The following CELF2 variants were observed in gnomAD, a reference collection of about 807,000 sequenced individuals.
CELF2 encodes CUG triplet repeat RNA-binding protein 2.
In CELF2, 8 loss-of-function variants were observed where a neutral mutation model predicts 62.6. That is an observed-to-expected ratio of 0.13 (90% confidence interval 0.07 to 0.23). The LOEUF is 0.23. Ranked by LOEUF, CELF2 falls within the 10% of genes least tolerant of loss-of-function variation. The pLI, the probability that CELF2 is intolerant of heterozygous loss-of-function variation, is 1.00. For synonymous variants in CELF2, 258 were observed against 250.0 expected, an observed-to-expected ratio of 1.03 and a Z score of -0.30; for missense variants, 333 against 671.0, an observed-to-expected ratio of 0.50 and a Z score of 5.56.
At chr10:10,804,405 A>G (rs2054991117) in intron 1 of CELF2, among the ~76,000 whole-genome samples, 1 of 152,256 alleles carries the variant, frequency 6.6e-6, no homozygotes, top group Non-Finnish European at 1.5e-5. Flanking sequence ...TAATGATCTG[A>G]CTAGCAGGAA....
chr10:10,934,910 A>T lies in CELF2; in HGVS notation c.89+14911A>T, dbSNP rs1010197317. The T allele has an allele frequency of 2.0e-5, 3 of 152,226 alleles. No individual in the cohort carries two copies. Among genetic ancestry groups the T allele is most frequent in the African/African-American group, 4.8e-5 (2 of 41,450 alleles). The allele number at this position is 152,226 out of a possible 1,614,324, so 9.4% of individuals were successfully genotyped here. On this transcript the variant is annotated intron_variant, in intron 2 of 13. Transcript: ENST00000636488. This position sits in a 1 kb window ranked among gnomAD's most constrained non-coding sequence, Gnocchi z 4.4. ...GATGCAAATTTGATAGAGATTCCTT[A>T]AGAAAAAATAATGTTACTGCAGAGA... is the stretch of plus-strand genomic sequence containing the variant.
the CELF2 span, among the ~76,000 whole-genome samples, chr10:10,698,785 G>T: frequency 6.6e-6 from 1 of 151,874 alleles, no homozygotes; most frequent in East Asian, 1.9e-4. Flanking sequence ...ATCCTTACAC[G>T]CCAACACAAA....
chr10:11,286,821 C>T (rs2091437110), intron 8 of CELF2, among the ~76,000 whole-genome samples: 1 of 152,198 alleles, frequency 6.6e-6, no homozygotes, highest in Non-Finnish European at 1.5e-5. Flanking sequence ...TCAAGCATCC[C>T]TGTGAAATAA....
the CELF2 span, among the ~76,000 whole-genome samples, chr10:10,639,805 T>C: frequency 6.6e-6 from 1 of 152,204 alleles, no homozygotes; most frequent in East Asian, 1.9e-4. Context: ...CCCTGTCACC[T>C]TACCAAGCAA....
the CELF2 span, among the ~76,000 whole-genome samples, chr10:10,480,736 A>G: frequency 6.6e-6 from 1 of 152,242 alleles, no homozygotes; most frequent in Non-Finnish European, 1.5e-5. Flanking sequence ...GAAAATTGAT[A>G]ACTAAAAACT....
intron 12 of CELF2, among the ~76,000 whole-genome samples, chr10:11,327,362 C>G (rs1566019721): frequency 6.6e-6 from 1 of 152,178 alleles, no homozygotes; most frequent in Non-Finnish European, 1.5e-5. Context: ...TCCTTGAAAA[C>G]AGATTGTTTA....
intron 1 of CELF2, among the ~76,000 whole-genome samples, chr10:10,834,755 G>C (rs1353022695): frequency 6.6e-6 from 1 of 152,152 alleles, no homozygotes; most frequent in Non-Finnish European, 1.5e-5. Context: ...ACTTTGGTTT[G>C]ATGTGATAGA....
chr10:11,149,034 G>T (rs930363991), intron 1 of CELF2, among the ~76,000 whole-genome samples: 1 of 152,110 alleles, frequency 6.6e-6, no homozygotes, highest in Non-Finnish European at 1.5e-5. Flanking sequence ...TCTGAATGCT[G>T]CCCAGTCCCT....
chr10:10,581,815 G>A, the CELF2 span, among the ~76,000 whole-genome samples: 1 of 152,114 alleles, frequency 6.6e-6, no homozygotes, highest in South Asian at 2.1e-4. Flanking sequence ...TGATCACGAG[G>A]TCAGGTGTTT....
the CELF2 span, among the ~76,000 whole-genome samples, chr10:10,773,709 G>C: frequency 1.3e-5 from 2 of 152,174 alleles, no homozygotes; most frequent in Non-Finnish European, 2.9e-5. Context: ...AACTCTGGGG[G>C]TATTTTTCAA....
chr10:11,034,375 G>A (rs542319062), intron 1 of CELF2, among the ~76,000 whole-genome samples: 14 of 151,272 alleles, frequency 9.3e-5, no homozygotes, highest in South Asian at 2.1e-4. Flanking sequence ...TTTTTGCTGC[G>A]TCTAGATCCC....
chr10:11,196,055 C>G (rs568015507), intron 2 of CELF2, among the ~76,000 whole-genome samples: 2 of 152,146 alleles, frequency 1.3e-5, no homozygotes, highest in South Asian at 4.1e-4. Flanking sequence ...AAACTGGTCC[C>G]TTGAGAATTA....
chr10:10,909,753 A>G (rs2063648044), intron 1 of CELF2, among the ~76,000 whole-genome samples: 1 of 152,232 alleles, frequency 6.6e-6, no homozygotes, highest in Non-Finnish European at 1.5e-5. Flanking sequence ...GAATCAGTGA[A>G]ATGAGGTGGA....
intron 1 of CELF2, among the ~76,000 whole-genome samples, chr10:10,906,428 C>G (rs932626339): frequency 6.6e-6 from 1 of 152,200 alleles, no homozygotes; most frequent in African/African-American, 2.4e-5. Flanking sequence ...AGCACCCAAG[C>G]TGCTGCCCTC....
At chr10:10,989,222 A>C (rs1016866090) in intron 2 of CELF2, among the ~76,000 whole-genome samples, 2 of 152,180 alleles carry the variant, frequency 1.3e-5, no homozygotes, top group Non-Finnish European at 2.9e-5. Flanking sequence ...TACCAATAAA[A>C]ATTTCAGTAG....
the CELF2 span, among the ~76,000 whole-genome samples, chr10:10,596,069 T>G: frequency 1.3e-5 from 2 of 152,270 alleles, no homozygotes; most frequent in East Asian, 3.9e-4. Flanking sequence ...AATTCTTTCC[T>G]GGGAGAAGCA....
chr10:10,586,803 G>T, the CELF2 span, among the ~76,000 whole-genome samples: 1 of 152,104 alleles, frequency 6.6e-6, no homozygotes, highest in Non-Finnish European at 1.5e-5. Context: ...TAAGAAGTGT[G>T]GCCCATTAAT....
intron 10 of CELF2, among the ~76,000 whole-genome samples, chr10:11,320,491 C>G (rs1379560524): frequency 6.6e-6 from 1 of 152,234 alleles, no homozygotes; most frequent in African/African-American, 2.4e-5. Flanking sequence ...GAACGAGTAG[C>G]TTCAGCTCTC....
chr10:10,976,312 T>C (rs1335543547), intron 2 of CELF2, among the ~76,000 whole-genome samples: 1 of 152,222 alleles, frequency 6.6e-6, no homozygotes, highest in Non-Finnish European at 1.5e-5. Flanking sequence ...TTGCCAAAGT[T>C]ACACAGTGGG....
Sources: allele counts gnomAD v4.1 joint callset (sites outside exome capture counted in the v4.1 genomes callset), GRCh38; gene constraint gnomAD v4.1.1; non-coding constraint Gnocchi (gnomAD v3.1); transcripts MANE v1.5; gene names NCBI Gene and HGNC (gene_info 2026-07-23, HGNC 2026-07-21).